The following DPF3 variants were observed in gnomAD, a reference collection of about 807,000 sequenced individuals.
DPF3 encodes double PHD fingers 3.
Under a neutral mutation model 56.8 loss-of-function variants are expected in DPF3, and 18 were observed. The observed-to-expected ratio is 0.32, with a 90% CI of 0.22 to 0.47. The LOEUF (loss-of-function observed/expected upper bound fraction) is 0.47. Among genes scored for constraint, DPF3 ranks in the 20% least tolerant of loss-of-function variants. DPF3 has a pLI of 1.00. For synonymous variants in DPF3, 188 were observed against 180.2 expected, an observed-to-expected ratio of 1.04 and a Z score of -0.35; for missense variants, 403 against 488.8, an observed-to-expected ratio of 0.82 and a Z score of 1.65.
At chr14:72,634,186 T>C (rs940206227) in intron 8 of DPF3, among the ~76,000 whole-genome samples, 1 of 152,172 alleles carries the variant, frequency 6.6e-6, no homozygotes, top group Non-Finnish European at 1.5e-5. Context: ...GGAAATACTA[T>C]TGTAACTTCT....
intron 9 of DPF3, among the ~76,000 whole-genome samples, chr14:72,623,270 A>G (rs1348098985): frequency 6.6e-6 from 1 of 152,234 alleles, no homozygotes; most frequent in Non-Finnish European, 1.5e-5. Flanking sequence ...AGAACCAATA[A>G]ATATTTTACA....
intron 8 of DPF3, among the ~76,000 whole-genome samples, chr14:72,630,484 T>C (rs1445538014): frequency 6.6e-6 from 1 of 152,156 alleles, no homozygotes; most frequent in East Asian, 1.9e-4. Context: ...GAAGGGACAT[T>C]AAGCTGTGAC....
At chr14:72,695,111 G>T (rs562892176) in intron 6 of DPF3, among the ~76,000 whole-genome samples, 1 of 152,284 alleles carries the variant, frequency 6.6e-6, no homozygotes, top group Admixed American at 6.5e-5. Context: ...ATTTTATGGT[G>T]ATGTTGATTT....
At chr14:72,726,077 C>T (rs765629004) in intron 4 of DPF3, among the ~76,000 whole-genome samples, 8 of 152,296 alleles carry the variant, frequency 5.3e-5, no homozygotes, top group Non-Finnish European at 1.0e-4. Context: ...AGTTCCTGAC[C>T]TGTAGGTGGG....
intron 8 of DPF3, among the ~76,000 whole-genome samples, chr14:72,642,991 C>A (rs1885607328): frequency 6.6e-6 from 1 of 152,166 alleles, no homozygotes; most frequent in Non-Finnish European, 1.5e-5. Context: ...GTGAGGTGGG[C>A]AGAACAGATA....
chr14:72,789,059 C>T lies in DPF3; in HGVS notation c.33-17166G>A, dbSNP rs373835105. Among the ~76,000 whole-genome samples, 12 of 152,308 alleles carry T rather than the reference C, an allele frequency of 7.9e-5. No individual in the cohort carries two copies. The South Asian group carries it at 1.7e-3, about 21-fold the overall frequency. On this transcript the variant is annotated intron_variant, in intron 1 of 10. Coordinates refer to ENST00000556509, the MANE Select transcript of DPF3 (RefSeq NM_001280542.3). Reference sequence around the variant, plus strand: ...TCCAATAATGGTGTGGCTACTTATTCGAAAACCATCACGTGTTGCTTTGGG... The same window carrying T: ...TCCAATAATGGTGTGGCTACTTATTTGAAAACCATCACGTGTTGCTTTGGG...
chr14:72,872,089 T>C (rs1187272932), intron 1 of DPF3, among the ~76,000 whole-genome samples: 1 of 152,222 alleles, frequency 6.6e-6, no homozygotes, highest in East Asian at 1.9e-4. Context: ...CTGCCAACGC[T>C]TGGGGCTTCC....
rs953714476 is a variant in DPF3 at position 72,612,047 on chromosome 14, C to G, written c.*7250G>C. 6.6e-6 allele frequency among the ~76,000 whole-genome samples: 1 copy of G among 152,156 alleles called. No individual in the cohort carries two copies. The highest frequency in any genetic ancestry group is 2.4e-5 in the African/African-American group (1 of 41,432). On this transcript the variant is annotated 3_prime_UTR_variant, in exon 11 of 11. Transcript: ENST00000556509. ...AGCATTGCCTCGCACACAGTCGATG[C>G]CCTGCCAAGGGTTTTAATTTAGCCA... is the stretch of plus-strand genomic sequence containing the variant.
chr14:72,753,411 T>C (rs774580163), intron 2 of DPF3, 40 bp from the exon 3 acceptor site: 8 of 1,523,712 alleles, frequency 5.3e-6, no homozygotes, highest in African/African-American at 1.4e-5. Context: ...GGCTCCAGGC[T>C]GGAAGGGGCC....
intron 1 of DPF3, among the ~76,000 whole-genome samples, chr14:72,783,125 G>A (rs534014345): frequency 1.3e-5 from 2 of 152,206 alleles, no homozygotes; most frequent in South Asian, 4.1e-4. Context: ...AGATCTTCTT[G>A]TAGCTGACTG....
At chr14:72,623,908 A>G (rs2107687) in intron 9 of DPF3, among the ~76,000 whole-genome samples, 2,065 of 152,260 alleles carry the variant, frequency 0.014, 90 homozygotes, top group East Asian at 0.11. Context: ...AAATGTATAA[A>G]TATATTTACA....
At chr14:72,880,890 C>A (rs1249073904) in intron 1 of DPF3, among the ~76,000 whole-genome samples, 2 of 152,200 alleles carry the variant, frequency 1.3e-5, no homozygotes, top group Admixed American at 6.5e-5. Flanking sequence ...AGGGAATAGG[C>A]ATGAGAAGGG....
chr14:72,735,130 T>C (rs1889837121), intron 3 of DPF3, among the ~76,000 whole-genome samples: 1 of 152,172 alleles, frequency 6.6e-6, no homozygotes, highest in Non-Finnish European at 1.5e-5. Context: ...TGTCTCTCTG[T>C]GGTCCTTCCT....
chr14:72,892,776 T>C, intron 1 of DPF3: 2 of 877,854 alleles, frequency 2.3e-6, no homozygotes, highest in Non-Finnish European at 2.7e-6. Context: ...GGCGGGGAAG[T>C]CCCGGTCGAA....
intron 4 of DPF3, among the ~76,000 whole-genome samples, chr14:72,726,943 C>T (rs890281198): frequency 6.6e-6 from 1 of 152,166 alleles, no homozygotes; most frequent in African/African-American, 2.4e-5. Context: ...GCCCCACATC[C>T]AATCTCCTCT....
In DPF3 at chr14:72,627,856, C is replaced by T. The variant is rs561632139; in HGVS notation, c.984+1768G>A. 3.3e-5 allele frequency among the ~76,000 whole-genome samples: 5 copies of T among 152,122 alleles called. No individual in the cohort carries two copies. The South Asian group carries it at 1.0e-3, about 32-fold the overall frequency. Reference sequence around the variant, plus strand: ...AAGTTTTGTTTATATAGGTTTTGCACATTTGTTGTTAAATATATCCCTAAG... The same window carrying T: ...AAGTTTTGTTTATATAGGTTTTGCATATTTGTTGTTAAATATATCCCTAAG... On this transcript the variant is annotated intron_variant, in intron 9 of 10. Transcript: ENST00000556509.
chr14:72,834,118 C>T (rs1028478673), intron 1 of DPF3, among the ~76,000 whole-genome samples: 8 of 151,774 alleles, frequency 5.3e-5, no homozygotes, highest in Non-Finnish European at 1.0e-4. Flanking sequence ...GAGAAGGTTG[C>T]CGTGAGCCGA....
At chr14:72,813,248 C>A (rs1045105983) in intron 1 of DPF3, among the ~76,000 whole-genome samples, 1 of 152,050 alleles carries the variant, frequency 6.6e-6, no homozygotes, top group African/African-American at 2.4e-5. Context: ...CTTCCGGGAG[C>A]CGTCTGGTAG....
intron 1 of DPF3, among the ~76,000 whole-genome samples, chr14:72,791,372 C>T (rs1892424223): frequency 6.6e-6 from 1 of 152,232 alleles, no homozygotes; most frequent in Non-Finnish European, 1.5e-5. Flanking sequence ...TTCTTTGCTG[C>T]CAGGGTTTGT....
Sources: gnomAD v4.1 joint callset for allele counts (sites outside exome capture counted in the v4.1 genomes callset) on GRCh38, gnomAD v4.1.1 for gene constraint, MANE v1.5 for transcripts, NCBI Gene and HGNC (gene_info 2026-07-23, HGNC 2026-07-21) for gene names.